SPG11: variants seen among roughly 807,000 people sequenced by gnomAD.
SPG11 encodes the protein SPG11 vesicle trafficking associated, spatacsin.
SPG11 carries 222 observed loss-of-function variants against 274.0 expected under a neutral mutation model. The observed-to-expected ratio is 0.81, with a 90% CI of 0.73 to 0.91. The LOEUF (loss-of-function observed/expected upper bound fraction) is 0.91. Ranked by LOEUF, SPG11 falls within the 40% of genes least tolerant of loss-of-function variation. The pLI is 0.00. For missense variants in SPG11, 3,114 were observed against 2,872.7 expected (o/e 1.08, Z -1.92); for synonymous variants, 1,144 against 1,039.7 (o/e 1.10, Z -1.93).
At chr15:44,651,125 T>C (rs2084762385) in intron 6 of SPG11, among the ~76,000 whole-genome samples, 1 of 152,196 alleles carries the variant, frequency 6.6e-6, no homozygotes, top group Non-Finnish European at 1.5e-5. Flanking sequence ...TATAATCTTT[T>C]TTAAAAGCCT....
intron 18 of SPG11, among the ~76,000 whole-genome samples, chr15:44,609,173 C>A (rs1189204983): frequency 6.6e-6 from 1 of 152,032 alleles, no homozygotes; most frequent in Non-Finnish European, 1.5e-5. Context: ...CTCTGTGGGC[C>A]CAGGCTGGAG....
chr15:44,629,389 C>A lies in SPG11; in HGVS notation c.1736-1G>T. 2 of 1,613,854 alleles carry A rather than the reference C, an allele frequency of 1.2e-6. No individual in the cohort carries two copies. The highest frequency in any genetic ancestry group is 1.7e-6 in the Non-Finnish European group (2 of 1,179,900). On this transcript the variant is annotated splice_acceptor_variant, in intron 8 of 39. Coordinates refer to ENST00000261866, the MANE Select transcript of SPG11 (RefSeq NM_025137.4). LOFTEE classifies it high-confidence loss of function. ...AATGCTGGTATCAGCTCTTCCACAT[C>A]TGAGAAAGAACCAAAGAAATTAACA...
Position 44,606,015 on chromosome 15 carries a change from G to C in SPG11, c.3520+10C>G. The C allele has an allele frequency of 6.2e-7, 1 of 1,611,668 alleles. No individual in the cohort carries two copies. The highest frequency in any genetic ancestry group is 8.5e-7 in the Non-Finnish European group (1 of 1,177,996). ...AAAACATGTCTCAAGAAGTACCCAT[G>C]ATGACTTACCTCCTATAGCTAGTGT... On this transcript the variant is annotated intron_variant, in intron 20 of 39. Coordinates refer to ENST00000261866, the MANE Select transcript of SPG11 (RefSeq NM_025137.4).
intron 15 of SPG11, 192 bp downstream of exon 15, chr15:44,619,998 G>T: frequency 1.7e-6 from 1 of 571,534 alleles, no homozygotes; most frequent in Non-Finnish European, 3.1e-6. Context: ...TTACAGGCAT[G>T]AGCCACCGCA....
At chr15:44,578,608 T>A (rs1224390861) in intron 30 of SPG11, among the ~76,000 whole-genome samples, 3 of 152,196 alleles carry the variant, frequency 2.0e-5, no homozygotes, top group Non-Finnish European at 4.4e-5. Context: ...TGTATGGCCT[T>A]GATCCTAAGT....
intron 7 of SPG11, among the ~76,000 whole-genome samples, chr15:44,635,140 C>T (rs376567365): frequency 7.9e-5 from 12 of 152,014 alleles, no homozygotes; most frequent in African/African-American, 1.7e-4. Flanking sequence ...CGCTGGAACC[C>T]GGGAGGTGGA....
chr15:44,606,264 C>G (rs2140994850), intron 19 of SPG11, 173 bp from the exon 20 acceptor site: 1 of 580,942 alleles, frequency 1.7e-6, no homozygotes, highest in Non-Finnish European at 3.1e-6. Context: ...AGAATTATGA[C>G]ATATCTTTAT....
intron 15 of SPG11, 132 bp downstream of exon 15, chr15:44,620,058 T>C: frequency 1.3e-6 from 1 of 799,118 alleles, no homozygotes; most frequent in East Asian, 2.7e-5. Context: ...ATGATGCCCT[T>C]TAAATTTTAT....
In SPG11 at chr15:44,620,336, A is replaced by G. The variant is rs1243360802; in HGVS notation, c.2688T>C (p.Ile896=). 2.5e-6 allele frequency: 4 copies of G among 1,614,140 alleles called. No individual in the cohort carries two copies. The Admixed American group carries it at 5.0e-5, about 20-fold the overall frequency. Residue 896 remains isoleucine, a synonymous_variant, in exon 15 of 40, where the codon ATT becomes ATC. Transcript: ENST00000261866. ...YLTARHDWLN[I]ILWIGEFQTQ... ...TTTGAAATTCTCCAATCCATAAGAT[A>G]ATGTTTAACCAATCATGGCGAGCTG...
rs374057859 is a variant in SPG11, at chr15:44,567,553, G to A, written c.6625C>T (p.Arg2209Cys). Residue 2209 changes from arginine to cysteine, a missense_variant, in exon 36 of 40, where the codon CGC becomes TGC. By Grantham distance (180) the Arg-to-Cys change is radical (BLOSUM62 -3). Coordinates refer to ENST00000261866, the MANE Select transcript of SPG11 (RefSeq NM_025137.4). ...TTTTCACTGTCTCCAGGACGGCAGC[G>A]TTTGATGTAGTCCAGCAGGGCTGTT... ...LKTALLDYIK[R>C]CRPGDSEKHN... The A allele has an allele frequency of 3.2e-4, 513 of 1,613,902 alleles. No individual in the cohort carries two copies. The highest frequency in any genetic ancestry group is 4.0e-4 in the Non-Finnish European group (476 of 1,179,990).
intron 19 of SPG11, 136 bp from the exon 20 acceptor site, chr15:44,606,227 T>C: frequency 1.5e-6 from 1 of 683,314 alleles, no homozygotes; most frequent in Non-Finnish European, 2.6e-6. Flanking sequence ...TGGACATAAA[T>C]TCTTTGAACA....
rs1306620714 is a variant in SPG11 at position 44,600,472 on chromosome 15, C to T, written c.3681G>A (p.Lys1227=). The part of the protein sequence containing the change: ...VQELIKSKTP[K]QLIQQVGNEA... The stretch of plus-strand genomic sequence containing the variant: ...ATTATATTTTAAATACTCACAGCTG[C>T]TTGGGAGTCTTGCTCTTGATTAATT... The change falls in exon 21 of 40, where the codon AAG becomes AAA. Residue 1227 remains lysine (K), a synonymous_variant. Coordinates refer to ENST00000261866, the MANE Select transcript of SPG11 (RefSeq NM_025137.4). 8 of 1,613,804 alleles carry T rather than the reference C, an allele frequency of 5.0e-6. No homozygotes were observed. Among genetic ancestry groups the T allele is most frequent in the South Asian group, 1.1e-5 (1 of 91,064 alleles).
chr15:44,627,031 G>C (rs563446981), intron 10 of SPG11, among the ~76,000 whole-genome samples: 7 of 152,280 alleles, frequency 4.6e-5, no homozygotes, highest in Non-Finnish European at 8.8e-5. Flanking sequence ...TAGCAGATGA[G>C]ACTTGAAAGC....
At chr15:44,662,650 TAAAAAAAAAAAAA>T (rs527806518) in intron 1 of SPG11, among the ~76,000 whole-genome samples, 1 of 91,178 alleles carries the variant, frequency 1.1e-5, no homozygotes, top group South Asian at 3.4e-4. Flanking sequence ...ACCTTATCTT[TAAAAAAAAAAAAA>T]AAAAAAAAAA....
chr15:44,660,697 T>A, intron 1 of SPG11, 81 bp from the exon 2 acceptor site: 1 of 1,338,896 alleles, frequency 7.5e-7, no homozygotes, highest in Non-Finnish European at 1.1e-6. Flanking sequence ...AAGGGTTGAA[T>A]AAGTAGAGAA....
intron 6 of SPG11, among the ~76,000 whole-genome samples, chr15:44,650,276 T>C (rs1444977005): frequency 6.6e-6 from 1 of 152,072 alleles, no homozygotes; most frequent in African/African-American, 2.4e-5. Flanking sequence ...CCTAGCACTT[T>C]GGGAGGCCAA....
At chr15:44,566,923 G>GC (rs1235969138) in intron 36 of SPG11, among the ~76,000 whole-genome samples, 1 of 151,832 alleles carries the variant, frequency 6.6e-6, no homozygotes, top group Non-Finnish European at 1.5e-5. Context: ...GGCTGGTGTT[G>GC]AACTCCTGAG....
chr15:44,663,230 T>G (rs751380988), intron 1 of SPG11, among the ~76,000 whole-genome samples, 161 bp downstream of exon 1: 1 of 152,192 alleles, frequency 6.6e-6, no homozygotes, highest in Non-Finnish European at 1.5e-5. Context: ...AAAGGTTCTG[T>G]GAGGAAACCA....
At chr15:44,581,528 A>G (rs2082658602) in intron 30 of SPG11, among the ~76,000 whole-genome samples, 2 of 151,766 alleles carry the variant, frequency 1.3e-5, no homozygotes, top group Non-Finnish European at 2.9e-5. Flanking sequence ...AATTTTCTAT[A>G]TCCAGCAAAA....
Sources: allele counts gnomAD v4.1 joint callset (sites outside exome capture counted in the v4.1 genomes callset), GRCh38; gene constraint gnomAD v4.1.1; transcripts MANE v1.5; gene names NCBI Gene and HGNC (gene_info 2026-07-23, HGNC 2026-07-21).